CRYL1: variants seen among roughly 807,000 people sequenced by gnomAD.
CRYL1 encodes lambda-crystallin homolog.
CRYL1 carries 29 observed loss-of-function variants against 36.6 expected under a neutral mutation model. That is an observed-to-expected ratio of 0.79 (90% CI 0.59 to 1.08). CRYL1 has a LOEUF of 1.08. CRYL1 is among the 50% of genes least tolerant of loss of function. The pLI, the probability that CRYL1 is intolerant of heterozygous loss-of-function variation, is 0.00. For missense variants in CRYL1, 411 were observed against 407.9 expected, an observed-to-expected ratio of 1.01 and a Z score of -0.06; for synonymous variants, 152 against 151.5, an observed-to-expected ratio of 1.00 and a Z score of -0.02.
chr13:20,468,288 C>T (rs2032984009), intron 3 of CRYL1, among the ~76,000 whole-genome samples: 1 of 152,130 alleles, frequency 6.6e-6, no homozygotes, highest in South Asian at 2.1e-4. Flanking sequence ...TCTAAACTTA[C>T]TTTTTATTTT....
chr13:20,493,173 G>C (rs763520690), intron 2 of CRYL1, among the ~76,000 whole-genome samples: 2 of 152,208 alleles, frequency 1.3e-5, no homozygotes, highest in Non-Finnish European at 2.9e-5. Context: ...AGCACCCCTT[G>C]GAACTGGTGC....
chr13:20,428,085 A>G (rs1474726617), intron 5 of CRYL1, among the ~76,000 whole-genome samples: 1 of 152,202 alleles, frequency 6.6e-6, no homozygotes, highest in Non-Finnish European at 1.5e-5. Flanking sequence ...AAATTCTACC[A>G]AATATCTAAA....
rs2033460328 is a variant in CRYL1, at chr13:20,489,270, C to T, written c.276+100G>A. 5.5e-6 allele frequency: 8 copies of T among 1,444,030 alleles called. 1 individual carries two copies. In the Admixed American group the frequency reaches 1.7e-4, roughly 30 times the overall value. The allele number at this position is 1,444,030 out of a possible 1,614,324, so 89.5% of individuals were successfully genotyped here. On this transcript the variant is annotated intron_variant, in intron 3 of 7. Coordinates refer to ENST00000298248, the MANE Select transcript of CRYL1 (RefSeq NM_015974.3). ...TCCTGCCCTTGAAGATGCAAAATGC[C>T]CACACCTGCCACTGCTCTGTATCCT...
Position 20,512,234 on chromosome 13 carries a change from A to G in CRYL1, c.149+209T>C, listed in dbSNP as rs4414328. ...GCAGATCCTCTTAGCAAGAAGGGTCATTTCCTCCCCCATGGGAGCCCTTCC... is the reference window on the plus strand; with the variant it reads ...GCAGATCCTCTTAGCAAGAAGGGTCGTTTCCTCCCCCATGGGAGCCCTTCC... On this transcript the variant is annotated intron_variant, in intron 2 of 7. Coordinates refer to ENST00000298248, the MANE Select transcript of CRYL1 (RefSeq NM_015974.3). Among the ~76,000 whole-genome samples, 133,015 of 152,252 alleles carry G rather than the reference A, an allele frequency of 0.87. 58,697 individuals are homozygous for G. The highest frequency in any genetic ancestry group is 0.94 in the Non-Finnish European group (63,885 of 68,024).
At chr13:20,503,047 C>T (rs113570655) in intron 2 of CRYL1, among the ~76,000 whole-genome samples, 5,590 of 152,216 alleles carry the variant, frequency 0.037, 254 homozygotes, top group African/African-American at 0.11. Context: ...CAAGATCACT[C>T]GGAATCCTGC....
chr13:20,407,652 C>G (rs2137360791), intron 6 of CRYL1, among the ~76,000 whole-genome samples: 1 of 152,278 alleles, frequency 6.6e-6, no homozygotes, highest in South Asian at 2.1e-4. Flanking sequence ...CCCTCTGTCC[C>G]TTTGAGTTCT....
At chr13:20,408,981 C>T (rs2031450931) in intron 6 of CRYL1, among the ~76,000 whole-genome samples, 2 of 152,088 alleles carry the variant, frequency 1.3e-5, no homozygotes, top group Non-Finnish European at 2.9e-5. Flanking sequence ...ACTTTCTTCA[C>T]AGAATTGGAA....
intron 6 of CRYL1, among the ~76,000 whole-genome samples, chr13:20,409,452 C>T (rs1451003729): frequency 6.6e-6 from 1 of 151,960 alleles, no homozygotes; most frequent in Middle Eastern, 3.2e-3. Flanking sequence ...TAGGCATTAC[C>T]ATTCAGGACA....
rs879025449 is a variant in CRYL1, at chr13:20,525,832, C to T, written c.-38G>A. 4 of 1,219,412 alleles carry T rather than the reference C, an allele frequency of 3.3e-6. No homozygotes were observed. The highest frequency in any genetic ancestry group is 3.7e-5 in the South Asian group (1 of 26,850). The allele number at this position is 1,219,412 out of a possible 1,614,324, so 75.5% of individuals were successfully genotyped here. A position where few individuals can be genotyped will look rare whatever the true frequency, so the allele number is the denominator to read the frequency against. On this transcript the variant is annotated 5_prime_UTR_variant, in exon 1 of 8. Transcript: ENST00000298248. This position sits in a 1 kb window ranked among gnomAD's most constrained non-coding sequence, Gnocchi z 4.3. ...GACGCGGCGCCGCGGGCGCTGGGAC[C>T]AGGCGCCGGCGGAGCTGCGAGCTCT... is the stretch of plus-strand genomic sequence containing the variant.
chr13:20,416,783 G>A (rs113695754), intron 5 of CRYL1, among the ~76,000 whole-genome samples: 4,038 of 152,138 alleles, frequency 0.027, 167 homozygotes, highest in Admixed American at 0.096. Context: ...GTCCTTTTTG[G>A]TTTGTATCAT....
At chr13:20,524,279 GTA>G (rs1020041407) in intron 1 of CRYL1, among the ~76,000 whole-genome samples, 2 of 152,150 alleles carry the variant, frequency 1.3e-5, no homozygotes, top group African/African-American at 4.8e-5. Context: ...AACTGTGTGT[GTA>G]TATATATGTG....
chr13:20,515,142 T>A (rs1032157788), intron 1 of CRYL1, among the ~76,000 whole-genome samples: 7 of 152,282 alleles, frequency 4.6e-5, no homozygotes, highest in African/African-American at 1.7e-4. Context: ...AATAGACATA[T>A]CCATAGAGAC....
chr13:20,405,667 CCACGCTCCT>C (rs1185974523), intron 6 of CRYL1, among the ~76,000 whole-genome samples: 1 of 152,180 alleles, frequency 6.6e-6, no homozygotes, highest in Admixed American at 6.5e-5. Flanking sequence ...TGCACGCTCC[CCACGCTCCT>C]GCTGCTCCCC....
chr13:20,466,454 A>G (rs779758901), intron 3 of CRYL1, among the ~76,000 whole-genome samples: 9 of 152,242 alleles, frequency 5.9e-5, no homozygotes, highest in Non-Finnish European at 1.3e-4. Flanking sequence ...AAGAACCATT[A>G]AAAGATTTTG....
At chr13:20,471,203 C>A (rs1021830314) in intron 3 of CRYL1, among the ~76,000 whole-genome samples, 8 of 152,048 alleles carry the variant, frequency 5.3e-5, no homozygotes, top group African/African-American at 1.9e-4. Flanking sequence ...GATTATGAAG[C>A]AACATGGAAC....
At chr13:20,517,226 G>T (rs964822050) in intron 1 of CRYL1, among the ~76,000 whole-genome samples, 2 of 152,228 alleles carry the variant, frequency 1.3e-5, no homozygotes, top group Non-Finnish European at 2.9e-5. Flanking sequence ...AGGAGCAGAT[G>T]ACAAATGCAG....
chr13:20,501,134 C>T (rs189827141), intron 2 of CRYL1, among the ~76,000 whole-genome samples: 2 of 152,282 alleles, frequency 1.3e-5, no homozygotes, highest in East Asian at 3.9e-4. Flanking sequence ...CTGCAGCAGC[C>T]GATTAAAGCC....
intron 5 of CRYL1, among the ~76,000 whole-genome samples, chr13:20,416,524 C>G (rs1452057921): frequency 6.6e-6 from 1 of 152,130 alleles, no homozygotes; most frequent in Non-Finnish European, 1.5e-5. Context: ...CTCTGGAATG[C>G]TGTGAAAGGC....
At position 20,420,701 on chromosome 13, in the gene CRYL1, T is replaced by TTTTTTTTTTTTTTTTG; in HGVS notation, c.634-7315_634-7314insCAAAAAAAAAAAAAAA. Among the ~76,000 whole-genome samples the TTTTTTTTTTTTTTTTG allele has an allele frequency of 4.6e-3, 101 of 21,868 alleles. 16 individuals carry two copies. Among genetic ancestry groups the TTTTTTTTTTTTTTTTG allele is most frequent in the South Asian group, 9.8e-3 (3 of 306 alleles). The allele number at this position is 21,868 out of a possible 152,430, so 14.3% of individuals were successfully genotyped here. On this transcript the variant is annotated intron_variant, in intron 5 of 7. Coordinates refer to ENST00000298248, the MANE Select transcript of CRYL1 (RefSeq NM_015974.3). ...CTTTGACTTTTCTTTAAAATAGAGG[T>TTTTTTTTTTTTTTTTG]TGTGTGTGTGTGTGTGTGTGTGTGT...
Sources: allele counts gnomAD v4.1 joint callset (sites outside exome capture counted in the v4.1 genomes callset), GRCh38; gene constraint gnomAD v4.1.1; non-coding constraint Gnocchi (gnomAD v3.1); transcripts MANE v1.5; gene names NCBI Gene and HGNC (gene_info 2026-07-23, HGNC 2026-07-21).